HIPK2: variants seen among roughly 807,000 people sequenced by gnomAD.
HIPK2 encodes the protein homeodomain interacting protein kinase 2, also known as homeodomain-interacting protein kinase 2.
HIPK2 carries 27 observed loss-of-function variants against 113.7 expected under a neutral mutation model. The observed-to-expected ratio is 0.24, with a 90% CI of 0.17 to 0.33. The LOEUF (loss-of-function observed/expected upper bound fraction) is 0.33, where lower values mean the gene tolerates loss of function less well. Among genes scored for constraint, HIPK2 ranks in the 10% least tolerant of loss-of-function variants. The pLI is 1.00. For synonymous variants in HIPK2, 631 were observed against 642.2 expected, an observed-to-expected ratio of 0.98 and a Z score of 0.26; for missense variants, 1,257 against 1,588.0, an observed-to-expected ratio of 0.79 and a Z score of 3.54.
intron 1 of HIPK2, among the ~76,000 whole-genome samples, chr7:139,747,296 AG>A (rs1368743844): frequency 6.6e-6 from 1 of 152,192 alleles, no homozygotes; most frequent in East Asian, 1.9e-4. Context: ...GCAATCAATA[AG>A]TCTAGTATGA....
intron 1 of HIPK2, among the ~76,000 whole-genome samples, chr7:139,748,161 C>T (rs2117100080): frequency 6.6e-6 from 1 of 152,266 alleles, no homozygotes; most frequent in African/African-American, 2.4e-5. Context: ...CACAGAACAC[C>T]CGTGTTCTTC....
At chr7:139,676,190 G>A (rs137962324) in intron 2 of HIPK2, among the ~76,000 whole-genome samples, 90 of 152,326 alleles carry the variant, frequency 5.9e-4, no homozygotes, top group African/African-American at 1.9e-3. Flanking sequence ...CCTCTCTGCT[G>A]CATCTACTCA....
chr7:139,642,890 T>A (rs534653219), intron 2 of HIPK2, among the ~76,000 whole-genome samples: 21 of 152,192 alleles, frequency 1.4e-4, no homozygotes, highest in African/African-American at 5.1e-4. Context: ...TACTTTTGCC[T>A]GGTTATAAGC....
At chr7:139,604,309 G>T in intron 9 of HIPK2, 86 bp from the exon 10 acceptor site, 1 of 1,524,708 alleles carries the variant, frequency 6.6e-7, no homozygotes, top group Non-Finnish European at 8.8e-7. Flanking sequence ...TGTGCCTGGG[G>T]TTGTGCTAGA....
intron 2 of HIPK2, among the ~76,000 whole-genome samples, chr7:139,690,069 T>TGGGGGGGGGGGGGGGGGGGGGGGG (rs1569475074): frequency 6.1e-5 from 1 of 16,426 alleles, no homozygotes; most frequent in African/African-American, 2.4e-4. Context: ...GGGGCGGGGG[T>TGGGGGGGGGGGGGGGGGGGGGGGG]GGGGGAGTGC....
At chr7:139,583,714 T>C (rs1439957652) in intron 13 of HIPK2, 103 bp downstream of exon 13, 28 of 1,507,324 alleles carry the variant, frequency 1.9e-5, no homozygotes, top group Non-Finnish European at 2.3e-5. Flanking sequence ...CACTGGGCAC[T>C]TTCTATTGTA....
chr7:139,662,209 C>T (rs891984659), intron 2 of HIPK2, among the ~76,000 whole-genome samples: 2 of 152,240 alleles, frequency 1.3e-5, no homozygotes, highest in African/African-American at 4.8e-5. Flanking sequence ...TAACATCCAG[C>T]CAGCGGCACC....
chr7:139,583,340 G>A (rs369621518), intron 13 of HIPK2, among the ~76,000 whole-genome samples: 4 of 152,248 alleles, frequency 2.6e-5, no homozygotes, highest in African/African-American at 9.6e-5. Flanking sequence ...GCTTGGTCTC[G>A]CCGCCCAGCA....
At chr7:139,673,101 C>CTTTTTTT (rs10701208) in intron 2 of HIPK2, among the ~76,000 whole-genome samples, 1 of 143,722 alleles carries the variant, frequency 7.0e-6, no homozygotes, top group East Asian at 2.1e-4. Context: ...GTGGTTAGAA[C>CTTTTTTT]TTTTTTTTTT....
intron 2 of HIPK2, among the ~76,000 whole-genome samples, chr7:139,668,229 T>G (rs1469306225): frequency 1.3e-5 from 2 of 151,492 alleles, no homozygotes; most frequent in Non-Finnish European, 2.9e-5. Flanking sequence ...CAGTGTTAAC[T>G]AAGTAAGTAT....
chr7:139,581,910 G>A (rs547829810), intron 13 of HIPK2, among the ~76,000 whole-genome samples: 3 of 152,186 alleles, frequency 2.0e-5, no homozygotes, highest in Non-Finnish European at 4.4e-5. Context: ...CTTAAATAAT[G>A]ATACAAGACA....
intron 1 of HIPK2, among the ~76,000 whole-genome samples, chr7:139,733,960 AG>A: frequency 6.6e-6 from 1 of 152,314 alleles, no homozygotes; most frequent in African/African-American, 2.4e-5. Context: ...AGCTGACCCA[AG>A]ATGTGGCGCA....
At chr7:139,771,623 C>T (rs1219945100) in intron 1 of HIPK2, among the ~76,000 whole-genome samples, 3 of 152,142 alleles carry the variant, frequency 2.0e-5, no homozygotes, top group African/African-American at 7.2e-5. Flanking sequence ...AGACATGGTT[C>T]CTGCCCTCCA....
chr7:139,752,382 C>T (rs920492880), intron 1 of HIPK2, among the ~76,000 whole-genome samples: 1 of 152,176 alleles, frequency 6.6e-6, no homozygotes, highest in African/African-American at 2.4e-5. Context: ...TATTCTTTTC[C>T]ACTCTAATAA....
At chr7:139,772,283 G>T (rs1451947660) in intron 1 of HIPK2, among the ~76,000 whole-genome samples, 1 of 152,160 alleles carries the variant, frequency 6.6e-6, no homozygotes, top group East Asian at 1.9e-4. Flanking sequence ...GAAAAGGCTG[G>T]GAATCAATTC....
At chr7:139,698,957 C>G (rs1354309537) in intron 2 of HIPK2, among the ~76,000 whole-genome samples, 1 of 152,012 alleles carries the variant, frequency 6.6e-6, no homozygotes, top group African/African-American at 2.4e-5. Flanking sequence ...AGCAGAGTGC[C>G]CAAAGAAAGA....
At chr7:139,774,733 T>TA (rs1191854411) in intron 1 of HIPK2, among the ~76,000 whole-genome samples, 1 of 152,216 alleles carries the variant, frequency 6.6e-6, no homozygotes, top group Non-Finnish European at 1.5e-5. Context: ...GAACCCATAA[T>TA]AGAGACCTTG....
rs917513092 is a variant in HIPK2 at position 139,652,930 on chromosome 7, G to A, written c.1104-21205C>T. ...GGCCGGGGTGGGTGGATCATTTGAG[G>A]TCAGGAGTTTGAGACCTGGCCAACA... On this transcript the variant is annotated intron_variant, in intron 2 of 14. Coordinates refer to ENST00000406875, the MANE Select transcript of HIPK2 (RefSeq NM_022740.5). Among the ~76,000 whole-genome samples, 3 of 152,062 alleles carry A rather than the reference G, an allele frequency of 2.0e-5. No individual in the cohort carries two copies. In the South Asian group the frequency reaches 6.2e-4, roughly 32 times the overall value.
intron 1 of HIPK2, among the ~76,000 whole-genome samples, chr7:139,772,394 C>T (rs1296107181): frequency 6.6e-6 from 1 of 152,158 alleles, no homozygotes; most frequent in Non-Finnish European, 1.5e-5. Context: ...AAATAAGAAA[C>T]GTATTTGCAT....
Sources: gnomAD v4.1 joint callset for allele counts (sites outside exome capture counted in the v4.1 genomes callset) on GRCh38, gnomAD v4.1.1 for gene constraint, MANE v1.5 for transcripts, NCBI Gene and HGNC (gene_info 2026-07-23, HGNC 2026-07-21) for gene names.